ACOT7: variants seen among roughly 807,000 people sequenced by gnomAD.
ACOT7 encodes the protein cytosolic acyl coenzyme A thioester hydrolase.
A neutral mutation model predicts 40.2 loss-of-function variants in ACOT7; 12 were observed. The observed-to-expected ratio is 0.30, with a 90% CI of 0.19 to 0.48. ACOT7 has a LOEUF of 0.48. ACOT7 is among the 20% of genes least tolerant of loss of function. The pLI, the probability that ACOT7 is intolerant of heterozygous loss-of-function variation, is 0.99. For missense variants in ACOT7, 395 were observed against 530.8 expected (o/e 0.74, Z 2.51); for synonymous variants, 228 against 219.5 (o/e 1.04, Z -0.34).
intron 1 of ACOT7, among the ~76,000 whole-genome samples, chr1:6,357,806 T>A (rs1641788162): frequency 6.6e-6 from 1 of 151,338 alleles, no homozygotes; most frequent in South Asian, 2.1e-4. Context: ...CAAGCACACA[T>A]AAATGCCTCC....
chr1:6,331,360 G>A (rs1248283766), intron 4 of ACOT7, among the ~76,000 whole-genome samples: 3 of 152,230 alleles, frequency 2.0e-5, no homozygotes, highest in African/African-American at 4.8e-5. Context: ...CAGGCCGTGC[G>A]AAGATGGAGG....
intron 7 of ACOT7, among the ~76,000 whole-genome samples, chr1:6,287,965 A>T (rs1571272753): frequency 1.3e-5 from 2 of 151,916 alleles, no homozygotes; most frequent in Non-Finnish European, 2.9e-5. Flanking sequence ...CCCCAAGAAA[A>T]CGTCAACTTT....
intron 1 of ACOT7, among the ~76,000 whole-genome samples, chr1:6,354,582 T>C (rs1355001465): frequency 6.6e-6 from 1 of 152,076 alleles, no homozygotes; most frequent in African/African-American, 2.4e-5. Flanking sequence ...AATCAGACAC[T>C]GTTTGGGGAG....
intron 1 of ACOT7, among the ~76,000 whole-genome samples, chr1:6,350,403 T>A (rs952469497): frequency 3.3e-5 from 5 of 152,204 alleles, no homozygotes; most frequent in African/African-American, 7.2e-5. Context: ...TAAGCTCCTC[T>A]GTGGGTCCCG....
At chr1:6,365,564 T>C (rs1270609219) in intron 1 of ACOT7, among the ~76,000 whole-genome samples, 2 of 151,914 alleles carry the variant, frequency 1.3e-5, no homozygotes, top group Non-Finnish European at 2.9e-5. Context: ...GGTCAGGAGA[T>C]CGAGACCATC....
chr1:6,387,114 C>A (rs957603018), intron 1 of ACOT7, among the ~76,000 whole-genome samples: 1 of 151,934 alleles, frequency 6.6e-6, no homozygotes, highest in African/African-American at 2.4e-5. Flanking sequence ...CCGGTTCCAT[C>A]GACACGAAAT....
At chr1:6,327,907 G>A (rs1031606834) in intron 4 of ACOT7, among the ~76,000 whole-genome samples, 3 of 152,048 alleles carry the variant, frequency 2.0e-5, no homozygotes, top group African/African-American at 7.2e-5. Flanking sequence ...CCCGGTACCT[G>A]GGACGACAGG....
intron 5 of ACOT7, among the ~76,000 whole-genome samples, chr1:6,323,122 C>T (rs564392331): frequency 6.6e-6 from 1 of 151,692 alleles, no homozygotes; most frequent in Non-Finnish European, 1.5e-5. Context: ...AAGAGCAAAA[C>T]GCCGTCTCAA....
chr1:6,317,728 CTTTTT>C (rs988852778), intron 6 of ACOT7, among the ~76,000 whole-genome samples: 1 of 135,854 alleles, frequency 7.4e-6, no homozygotes, highest in Non-Finnish European at 1.6e-5. Context: ...CAGAGTCTTT[CTTTTT>C]TTTTTTTTTT....
At chr1:6,345,877 T>G (rs756845405) in intron 2 of ACOT7, among the ~76,000 whole-genome samples, 3 of 152,114 alleles carry the variant, frequency 2.0e-5, no homozygotes, top group Non-Finnish European at 2.9e-5. Context: ...TCGTAAGCGC[T>G]TACTCGGTGG....
intron 2 of ACOT7, among the ~76,000 whole-genome samples, chr1:6,341,471 G>A (rs1179346177): frequency 3.9e-5 from 6 of 152,118 alleles, no homozygotes; most frequent in Admixed American, 3.9e-4. Flanking sequence ...GGCCAGGTGT[G>A]GTGGCTCACG....
At chr1:6,340,315 T>C (rs1354853140) in intron 2 of ACOT7, among the ~76,000 whole-genome samples, 1 of 152,210 alleles carries the variant, frequency 6.6e-6, no homozygotes, top group Non-Finnish European at 1.5e-5. Flanking sequence ...AGAGGAGCCC[T>C]GCAGAGTCCA....
rs1487393032 is a variant in ACOT7 at position 6,327,939 on chromosome 1, A to C, written c.511-526T>G. Among the ~76,000 whole-genome samples, 4 of 151,784 alleles carry C rather than the reference A, an allele frequency of 2.6e-5. No individual in the cohort carries two copies. In the East Asian group the frequency reaches 7.8e-4, roughly 30 times the overall value. On this transcript the variant is annotated intron_variant, in intron 4 of 8. Coordinates refer to ENST00000361521, the MANE Select transcript of ACOT7 (RefSeq NM_007274.4). ...CAGGTGCCCGCCACCATGCCCGGCTAATTTTTGTATTTTTAGTAGAGATGG... is the reference window on the plus strand; with the variant it reads ...CAGGTGCCCGCCACCATGCCCGGCTCATTTTTGTATTTTTAGTAGAGATGG...
intron 8 of ACOT7, among the ~76,000 whole-genome samples, chr1:6,267,542 C>A (rs1212687477): frequency 1.3e-5 from 2 of 152,238 alleles, no homozygotes; most frequent in Non-Finnish European, 2.9e-5. Flanking sequence ...GAGATGATGC[C>A]TCTCTGATGG....
chr1:6,334,419 G>T (rs1641044379), intron 3 of ACOT7, among the ~76,000 whole-genome samples: 1 of 152,286 alleles, frequency 6.6e-6, no homozygotes, highest in South Asian at 2.1e-4. Context: ...AGGATGTGGA[G>T]GCTGTGCCCA....
intron 1 of ACOT7, among the ~76,000 whole-genome samples, chr1:6,350,286 G>T (rs1355956992): frequency 6.6e-6 from 1 of 152,192 alleles, no homozygotes; most frequent in Non-Finnish European, 1.5e-5. Context: ...CCCCCGTCAG[G>T]AGTCCCAGAG....
At chr1:6,296,614 G>A (rs1420674358) in intron 6 of ACOT7, among the ~76,000 whole-genome samples, 1 of 152,016 alleles carries the variant, frequency 6.6e-6, no homozygotes, top group Admixed American at 6.6e-5. Flanking sequence ...TAGTAGAGAC[G>A]GGGTTTCACT....
At chr1:6,367,403 C>A (rs761463851) in intron 1 of ACOT7, among the ~76,000 whole-genome samples, 2 of 152,180 alleles carry the variant, frequency 1.3e-5, no homozygotes, top group African/African-American at 4.8e-5. Flanking sequence ...TGGCAGGCTG[C>A]GCTTGGCTCA....
At chr1:6,329,073 G>A (rs1640885012) in intron 4 of ACOT7, among the ~76,000 whole-genome samples, 2 of 152,376 alleles carry the variant, frequency 1.3e-5, no homozygotes, top group South Asian at 4.1e-4. Flanking sequence ...TGGGCCCCTC[G>A]GCCGCCTGTT....
Sources: allele counts gnomAD v4.1 joint callset (sites outside exome capture counted in the v4.1 genomes callset), GRCh38; gene constraint gnomAD v4.1.1; transcripts MANE v1.5; gene names NCBI Gene and HGNC (gene_info 2026-07-23, HGNC 2026-07-21).